The following DENND4C variants were observed in gnomAD, a reference collection of about 807,000 sequenced individuals.
DENND4C encodes the protein DENN domain containing 4C, also known as DENN domain-containing protein 4C.
In DENND4C, 108 loss-of-function variants were observed where a neutral mutation model predicts 203.0. The observed-to-expected ratio is 0.53, with a 90% CI of 0.46 to 0.62. The LOEUF is 0.62. Among genes scored for constraint, DENND4C ranks in the 20% least tolerant of loss-of-function variants. The pLI is 0.00. For synonymous variants in DENND4C, 871 were observed against 792.4 expected (o/e 1.10, Z -1.67); for missense variants, 2,481 against 2,301.2 (o/e 1.08, Z -1.60).
chr9:19,352,330 A>C, intron 25 of DENND4C, 148 bp downstream of exon 25: 1 of 1,016,484 alleles, frequency 9.8e-7, no homozygotes. Context: ...TTATGTAAGT[A>C]AGACATTGAA....
chr9:19,283,610 C>CTTTTTTTTTTTT (rs553611899), intron 2 of DENND4C, among the ~76,000 whole-genome samples: 11 of 116,608 alleles, frequency 9.4e-5, no homozygotes, highest in Admixed American at 2.0e-4. Context: ...TTTTTTCTTT[C>CTTTTTTTTTTTT]TTTTTTTTTT....
chr9:19,280,335 C>T (rs572666150), intron 2 of DENND4C, among the ~76,000 whole-genome samples: 52 of 152,114 alleles, frequency 3.4e-4, no homozygotes, highest in South Asian at 1.9e-3. Flanking sequence ...TTAGTAGAGA[C>T]GGGGTTTCAC....
At chr9:19,319,231 TTATA>T (rs943995514) in intron 12 of DENND4C, among the ~76,000 whole-genome samples, 3 of 146,210 alleles carry the variant, frequency 2.1e-5, no homozygotes, top group East Asian at 2.0e-4. Context: ...ATATACACAT[TTATA>T]TATGTATATA....
intron 28 of DENND4C, among the ~76,000 whole-genome samples, chr9:19,359,182 C>G (rs1481557810): frequency 6.6e-6 from 1 of 151,630 alleles, no homozygotes; most frequent in Non-Finnish European, 1.5e-5. Context: ...TCTCCAAGGT[C>G]ATCAATTAAT....
chr9:19,303,182 A>G lies in DENND4C; in HGVS notation c.1312-2170A>G, dbSNP rs1427819208. On this transcript the variant is annotated intron_variant, in intron 9 of 32. Transcript: ENST00000434457. ...GAAGTCCTAAATGCTTCTGTGAGCA[A>G]TTTCTTTTCTGTGTCATGTTGGTGC... Among the ~76,000 whole-genome samples the G allele has an allele frequency of 2.0e-5, 3 of 151,934 alleles. No homozygotes were observed. The East Asian group carries it at 5.8e-4, about 29-fold the overall frequency.
chr9:19,323,161 G>T (rs7041985), intron 12 of DENND4C, among the ~76,000 whole-genome samples: 1 of 152,056 alleles, frequency 6.6e-6, no homozygotes, highest in Non-Finnish European at 1.5e-5. Context: ...GAGGCTAGGT[G>T]CAGTGGCTCA....
intron 1 of DENND4C, among the ~76,000 whole-genome samples, chr9:19,232,066 C>G (rs535351852): frequency 6.6e-6 from 1 of 152,156 alleles, no homozygotes; most frequent in Non-Finnish European, 1.5e-5. Context: ...AAGTTTTCAT[C>G]TTTGAACATT....
At chr9:19,239,564 G>A (rs1408357863) in intron 1 of DENND4C, among the ~76,000 whole-genome samples, 2 of 151,728 alleles carry the variant, frequency 1.3e-5, no homozygotes, top group African/African-American at 4.8e-5. Flanking sequence ...GTTACTCACT[G>A]CAACCTCCAC....
intron 1 of DENND4C, among the ~76,000 whole-genome samples, chr9:19,266,565 GACTTCAAACTAT>G (rs1830542703): frequency 6.6e-6 from 1 of 152,142 alleles, no homozygotes; most frequent in South Asian, 2.1e-4. Flanking sequence ...CATGCTACGT[GACTTCAAACTAT>G]ACTACAAGGC....
chr9:19,312,965 G>A (rs961732916), intron 10 of DENND4C, among the ~76,000 whole-genome samples: 1 of 151,998 alleles, frequency 6.6e-6, no homozygotes, highest in Non-Finnish European at 1.5e-5. Flanking sequence ...TCTAACATTT[G>A]TCTTTTTATT....
rs1192055607 is a variant in DENND4C at position 19,299,230 on chromosome 9, T to C, written c.1109T>C (p.Leu370Pro). 2 of 1,561,070 alleles carry C rather than the reference T, an allele frequency of 1.3e-6. No individual in the cohort carries two copies. Among genetic ancestry groups the C allele is most frequent in the Non-Finnish European group, 1.7e-6 (2 of 1,159,712 alleles). ...ATTTATCTTTTTTTTTTTTTTAAGCTGTCAGTCCATGATGCATTAATATTA... is the reference window on the plus strand; with the variant it reads ...ATTTATCTTTTTTTTTTTTTTAAGCCGTCAGTCCATGATGCATTAATATTA... ...SPQRPRILVQ[L>P]SVHDALILSQ... The change falls in exon 8 of 33, where the codon CTG (leucine) becomes CCG (proline). Residue 370 changes from leucine to proline, a missense_variant and splice_region_variant. Physicochemically the swap from Leu to Pro is moderately conservative, Grantham distance 98. Transcript: ENST00000434457.
intron 1 of DENND4C, among the ~76,000 whole-genome samples, chr9:19,240,677 A>C (rs983699258): frequency 8.7e-5 from 13 of 148,642 alleles, no homozygotes; most frequent in East Asian, 2.0e-4. Flanking sequence ...AAAAACAAAA[A>C]AAAAAAAGGC....
At chr9:19,351,189 C>G (rs1293928091) in intron 24 of DENND4C, among the ~76,000 whole-genome samples, 1 of 152,164 alleles carries the variant, frequency 6.6e-6, no homozygotes, top group South Asian at 2.1e-4. Flanking sequence ...TGATTTATAA[C>G]TACTGTGGTC....
chr9:19,260,466 C>T (rs893249146), intron 1 of DENND4C, among the ~76,000 whole-genome samples: 16 of 151,944 alleles, frequency 1.1e-4, no homozygotes, highest in Admixed American at 3.3e-4. Context: ...GGCATGATCT[C>T]GGCTTACTGC....
At chr9:19,266,452 C>G (rs1235165168) in intron 1 of DENND4C, among the ~76,000 whole-genome samples, 2 of 152,160 alleles carry the variant, frequency 1.3e-5, no homozygotes, top group Non-Finnish European at 1.5e-5. Context: ...TGGAGAAGCT[C>G]TTTAGTTGAA....
rs1818217824 is a variant in DENND4C at position 19,328,147 on chromosome 9, T to A, written c.2238T>A (p.Ala746=). The A allele has an allele frequency of 6.2e-7, 1 of 1,608,822 alleles. No homozygotes were observed. The highest frequency in any genetic ancestry group is 1.3e-5 in the African/African-American group (1 of 74,506). ...NSITKSPPLM[A]KRTKQEIKTA... ...TTACAAAGAGTCCACCTCTCATGGC[T>A]AAGAGAACTAAACAGGTCAGATATT... is the stretch of plus-strand genomic sequence containing the variant. The change falls in exon 16 of 33, where the codon GCT becomes GCA. Residue 746 remains alanine (A), a synonymous_variant. Coordinates refer to ENST00000434457, the MANE Select transcript of DENND4C (RefSeq NM_001330640.2).
Position 19,243,445 on chromosome 9 carries a change from C to T in DENND4C, c.-18+12612C>T, listed in dbSNP as rs1234853142. ...CATTCACAATGTCATGCAAGTATTACCACAAACTAAATGTTCCCAAACGTT... is the reference window on the plus strand; with the variant it reads ...CATTCACAATGTCATGCAAGTATTATCACAAACTAAATGTTCCCAAACGTT... On this transcript the variant is annotated intron_variant, in intron 1 of 32. Coordinates refer to ENST00000434457, the MANE Select transcript of DENND4C (RefSeq NM_001330640.2). Among the ~76,000 whole-genome samples, 87 of 152,146 alleles carry T rather than the reference C, an allele frequency of 5.7e-4. 2 individuals carry two copies. The highest frequency in any genetic ancestry group is 5.7e-3 in the Admixed American group (87 of 15,266).
rs1825637653 is a variant in DENND4C at position 19,357,279 on chromosome 9, T to TTAC, written c.4964+127_4964+128insCTA. ...CTGGCATTTAAGAGTACATCTTAAC[T>TTAC]TATTACCACATAGTGTTTAACGAGC... On this transcript the variant is annotated intron_variant, in intron 27 of 32. Coordinates refer to ENST00000434457, the MANE Select transcript of DENND4C (RefSeq NM_001330640.2). The TTAC allele has an allele frequency of 3.2e-5, 23 of 726,302 alleles. No homozygotes were observed. In the South Asian group the frequency reaches 3.5e-4, roughly 11 times the overall value. 45.0% of individuals were successfully genotyped at this position (726,302 alleles called of 1,614,324 possible). A position where few individuals can be genotyped will look rare whatever the true frequency, so the allele number is the denominator to read the frequency against.
intron 22 of DENND4C, among the ~76,000 whole-genome samples, chr9:19,344,814 TA>T (rs137870294): frequency 5.3e-5 from 8 of 151,064 alleles, no homozygotes; most frequent in Admixed American, 3.3e-4. Context: ...AACCCTAACT[TA>T]AAAAAAAATA....
Sources: gnomAD v4.1 joint callset for allele counts (sites outside exome capture counted in the v4.1 genomes callset) on GRCh38, gnomAD v4.1.1 for gene constraint, MANE v1.5 for transcripts, NCBI Gene and HGNC (gene_info 2026-07-23, HGNC 2026-07-21) for gene names.